ROBO2: variants seen among roughly 807,000 people sequenced by gnomAD.
ROBO2 encodes roundabout homolog 2.
Under a neutral mutation model 160.8 loss-of-function variants are expected in ROBO2, and 53 were observed. That is an observed-to-expected ratio of 0.33 (90% CI 0.26 to 0.41). The LOEUF (loss-of-function observed/expected upper bound fraction) is 0.41. Ranked by LOEUF, ROBO2 falls within the 10% of genes least tolerant of loss-of-function variation. The pLI is 1.00. For synonymous variants in ROBO2, 664 were observed against 611.7 expected, an observed-to-expected ratio of 1.09 and a Z score of -1.26; for missense variants, 1,577 against 1,722.4, an observed-to-expected ratio of 0.92 and a Z score of 1.49.
chr3:76,409,873 G>T (rs1340214746), intron 2 of ROBO2, among the ~76,000 whole-genome samples: 1 of 152,096 alleles, frequency 6.6e-6, no homozygotes. Context: ...GGATTTCAGT[G>T]AAGACATATG....
chr3:75,911,589 G>A lies in ROBO2; in HGVS notation c.-14+4629G>A, dbSNP rs368551381. On this transcript the variant is annotated intron_variant, in intron 1 of 26. Transcript: ENST00000487694. ...TTTTTTTTTTTTGAGACGGAGTTTCGCTCTGTCGCCCAGGCTGGAGTGCAG... is the reference window on the plus strand; with the variant it reads ...TTTTTTTTTTTTGAGACGGAGTTTCACTCTGTCGCCCAGGCTGGAGTGCAG... Among the ~76,000 whole-genome samples the A allele has an allele frequency of 2.0e-4, 20 of 100,508 alleles. No homozygotes were observed. The East Asian group carries it at 3.9e-3, about 20-fold the overall frequency. The allele number at this position is 100,508 out of a possible 152,430, so 65.9% of individuals were successfully genotyped here.
chr3:76,314,586 T>C (rs1194169573), intron 2 of ROBO2, among the ~76,000 whole-genome samples: 1 of 152,142 alleles, frequency 6.6e-6, no homozygotes, highest in African/African-American at 2.4e-5. Flanking sequence ...CTCTTCTTCT[T>C]TAACCTACTT....
At chr3:77,508,301 A>T (rs951964988) in intron 5 of ROBO2, among the ~76,000 whole-genome samples, 14 of 148,284 alleles carry the variant, frequency 9.4e-5, no homozygotes, top group African/African-American at 3.4e-4. Context: ...TATTTTTAAA[A>T]TATATAGTAA....
At chr3:77,642,729 G>A (rs559849739) in intron 24 of ROBO2, 10 of 456,690 alleles carry the variant, frequency 2.2e-5, no homozygotes, top group South Asian at 6.2e-5. Context: ...AAATAGGCCC[G>A]AGCCAGCAGG....
intron 2 of ROBO2, among the ~76,000 whole-genome samples, chr3:76,646,754 G>C (rs2090989592): frequency 1.3e-5 from 2 of 152,092 alleles, no homozygotes; most frequent in African/African-American, 4.8e-5. Flanking sequence ...CATAATGATG[G>C]TTTGTCTAAG....
chr3:76,517,593 A>G (rs1305573810), intron 2 of ROBO2, among the ~76,000 whole-genome samples: 1 of 152,244 alleles, frequency 6.6e-6, no homozygotes, highest in Non-Finnish European at 1.5e-5. Context: ...AACGATGTTT[A>G]TCATGCCTAA....
intron 2 of ROBO2, among the ~76,000 whole-genome samples, chr3:77,206,090 T>C (rs1275003863): frequency 2.0e-5 from 3 of 152,302 alleles, no homozygotes; most frequent in African/African-American, 7.2e-5. Flanking sequence ...CTCTGCCTTC[T>C]CTTCACATGC....
intron 24 of ROBO2, among the ~76,000 whole-genome samples, chr3:77,637,228 G>GCTT: frequency 6.6e-6 from 1 of 152,184 alleles, no homozygotes; most frequent in Non-Finnish European, 1.5e-5. Flanking sequence ...CTATGACTTA[G>GCTT]TCCTTAGCAC....
intron 2 of ROBO2, among the ~76,000 whole-genome samples, chr3:77,131,731 G>A (rs1037711867): frequency 5.3e-5 from 8 of 151,928 alleles, no homozygotes; most frequent in Non-Finnish European, 8.8e-5. Context: ...AGTTATCAAT[G>A]CTCCATAAAA....
At chr3:76,661,965 A>G (rs948535761) in intron 2 of ROBO2, among the ~76,000 whole-genome samples, 1 of 152,222 alleles carries the variant, frequency 6.6e-6, no homozygotes, top group African/African-American at 2.4e-5. Flanking sequence ...ATGTGATGCT[A>G]TACTACAGTC....
intron 20 of ROBO2, chr3:77,603,676 T>A (rs1396007035): frequency 3.9e-5 from 6 of 152,248 alleles, no homozygotes; most frequent in African/African-American, 1.4e-4. Flanking sequence ...GTCAGTATCA[T>A]ATAGCACAAA....
At chr3:76,064,790 T>C (rs1272905420) in intron 2 of ROBO2, among the ~76,000 whole-genome samples, 1 of 152,136 alleles carries the variant, frequency 6.6e-6, no homozygotes, top group Non-Finnish European at 1.5e-5. Context: ...TCTATGCTCC[T>C]GGAAATAACA....
intron 8 of ROBO2, 93 bp from the exon 10 acceptor site, chr3:77,557,851 T>C: frequency 1.1e-6 from 1 of 929,024 alleles, no homozygotes; most frequent in Non-Finnish European, 1.8e-6. Context: ...ATATATATTG[T>C]GTTGGGGCTT....
chr3:77,635,411 C>T (rs2095247196), intron 24 of ROBO2, among the ~76,000 whole-genome samples: 1 of 152,028 alleles, frequency 6.6e-6, no homozygotes, highest in South Asian at 2.1e-4. Context: ...ATCTTAGCTG[C>T]TATTTCACTT....
intron 2 of ROBO2, among the ~76,000 whole-genome samples, chr3:77,433,505 T>TATATATATATATATATAG (rs2078997740): frequency 8.9e-6 from 1 of 112,032 alleles, no homozygotes; most frequent in Non-Finnish European, 1.8e-5. Flanking sequence ...TATATATATA[T>TATATATATATATATATAG]ATATATATAT....
At chr3:77,289,975 A>G (rs2060982517) in intron 2 of ROBO2, among the ~76,000 whole-genome samples, 1 of 152,134 alleles carries the variant, frequency 6.6e-6, no homozygotes, top group East Asian at 1.9e-4. Context: ...ATTAAGTAAA[A>G]TTGATGGTTA....
At chr3:76,950,842 T>G (rs1253085993) in intron 2 of ROBO2, among the ~76,000 whole-genome samples, 2 of 152,190 alleles carry the variant, frequency 1.3e-5, no homozygotes, top group East Asian at 3.9e-4. Flanking sequence ...TCCTCCTACC[T>G]CAGTCTCCTG....
chr3:77,474,876 T>C (rs2083804163), intron 2 of ROBO2, among the ~76,000 whole-genome samples: 1 of 152,200 alleles, frequency 6.6e-6, no homozygotes, highest in Non-Finnish European at 1.5e-5. Flanking sequence ...TGGGAACTGA[T>C]AGATATTATT....
intron 1 of ROBO2, among the ~76,000 whole-genome samples, chr3:77,090,347 T>A (rs1305286154): frequency 4.5e-4 from 22 of 48,776 alleles, no homozygotes; most frequent in African/African-American, 2.1e-3. Flanking sequence ...TTTTTTTTTT[T>A]TTTTTTTTTT....
Sources: gnomAD v4.1 joint callset for allele counts (sites outside exome capture counted in the v4.1 genomes callset) on GRCh38, gnomAD v4.1.1 for gene constraint, MANE v1.5 for transcripts, NCBI Gene and HGNC (gene_info 2026-07-23, HGNC 2026-07-21) for gene names.